ADCY2: variants seen among roughly 807,000 people sequenced by gnomAD.
ADCY2 encodes the protein adenylate cyclase type 2.
In ADCY2, 31 loss-of-function variants were observed where a neutral mutation model predicts 125.2. The ratio of observed to expected loss-of-function variants is 0.25; its 90% confidence interval spans 0.19 to 0.33. ADCY2 has a LOEUF of 0.33. Ranked by LOEUF, ADCY2 falls within the 10% of genes least tolerant of loss-of-function variation. ADCY2 has a pLI of 1.00. For missense variants in ADCY2, 904 were observed against 1,418.2 expected, an observed-to-expected ratio of 0.64 and a Z score of 5.82; for synonymous variants, 512 against 548.4, an observed-to-expected ratio of 0.93 and a Z score of 0.93.
chr5:7,549,623 C>G (rs902544239), intron 3 of ADCY2, among the ~76,000 whole-genome samples: 3 of 152,204 alleles, frequency 2.0e-5, no homozygotes, highest in African/African-American at 7.2e-5. Context: ...CTGAAGAGTT[C>G]TCTCCCTGTG....
At chr5:7,627,636 G>A (rs564210607) in intron 4 of ADCY2, among the ~76,000 whole-genome samples, 15 of 152,300 alleles carry the variant, frequency 9.8e-5, no homozygotes, top group African/African-American at 3.6e-4. Flanking sequence ...AAGTTGTATT[G>A]AGTTAGTTCA....
intron 2 of ADCY2, among the ~76,000 whole-genome samples, chr5:7,481,277 G>T (rs1312212352): frequency 6.6e-6 from 1 of 151,944 alleles, no homozygotes; most frequent in African/African-American, 2.4e-5. Flanking sequence ...TGCTGTTGTT[G>T]TTCTTTTGGG....
At chr5:7,520,067 G>A (rs1744386891) in intron 2 of ADCY2, among the ~76,000 whole-genome samples, 1 of 152,198 alleles carries the variant, frequency 6.6e-6, no homozygotes, top group African/African-American at 2.4e-5. Flanking sequence ...ATAAACATTT[G>A]TGTTTCCACC....
intron 11 of ADCY2, among the ~76,000 whole-genome samples, chr5:7,715,970 A>G (rs1310299751): frequency 6.6e-6 from 1 of 152,204 alleles, no homozygotes; most frequent in Admixed American, 6.5e-5. Context: ...AAACCATGAT[A>G]TAGGCATAGC....
chr5:7,494,868 C>T (rs910770171), intron 2 of ADCY2, among the ~76,000 whole-genome samples: 7 of 152,176 alleles, frequency 4.6e-5, no homozygotes, highest in Admixed American at 2.0e-4. Flanking sequence ...AAACTTTAGA[C>T]AGTGGAAAGG....
chr5:7,591,532 T>C (rs1736848650), intron 3 of ADCY2, among the ~76,000 whole-genome samples: 1 of 152,214 alleles, frequency 6.6e-6, no homozygotes, highest in African/African-American at 2.4e-5. Context: ...TTAATGTCTC[T>C]TATCTGTCTA....
intron 2 of ADCY2, among the ~76,000 whole-genome samples, chr5:7,421,715 ACTC>A (rs1221275890): frequency 4.0e-5 from 6 of 151,730 alleles, no homozygotes; most frequent in African/African-American, 4.8e-5. Flanking sequence ...TCTGAGGTTC[ACTC>A]CTCCTTCTTA....
chr5:7,674,107 G>C (rs938323987), intron 4 of ADCY2, among the ~76,000 whole-genome samples: 1 of 152,052 alleles, frequency 6.6e-6, no homozygotes, highest in South Asian at 2.1e-4. Context: ...CCCTAGCTTC[G>C]GTGTTGGATT....
chr5:7,499,328 T>C (rs1367402593), intron 2 of ADCY2, among the ~76,000 whole-genome samples: 5 of 152,000 alleles, frequency 3.3e-5, no homozygotes, highest in African/African-American at 9.7e-5. Context: ...TGTAGGGTAG[T>C]TGCTGGAGGG....
chr5:7,764,916 G>A (rs974858320), intron 16 of ADCY2, among the ~76,000 whole-genome samples: 2 of 152,192 alleles, frequency 1.3e-5, no homozygotes, highest in African/African-American at 2.4e-5. Flanking sequence ...ATTCAAAATT[G>A]TAGTATGATT....
At chr5:7,735,245 T>C (rs1325417398) in intron 14 of ADCY2, among the ~76,000 whole-genome samples, 1 of 152,192 alleles carries the variant, frequency 6.6e-6, no homozygotes, top group Non-Finnish European at 1.5e-5. Flanking sequence ...TCACATACTT[T>C]TCTATATGCA....
intron 8 of ADCY2, 105 bp from the exon 9 acceptor site, chr5:7,707,600 TA>T: frequency 1.4e-6 from 2 of 1,387,592 alleles, no homozygotes; most frequent in African/African-American, 1.4e-5. Context: ...TCAGTGCTCC[TA>T]AGAACTTTAG....
intron 12 of ADCY2, among the ~76,000 whole-genome samples, chr5:7,722,861 G>C (rs4701793): frequency 0.45 from 67,745 of 150,660 alleles, 16,312 homozygotes; most frequent in East Asian, 0.94. Context: ...TTGGCAGGCT[G>C]AGACAGGAGA....
chr5:7,401,100 G>C (rs1182424353), intron 1 of ADCY2, among the ~76,000 whole-genome samples: 1 of 152,136 alleles, frequency 6.6e-6, no homozygotes, highest in Admixed American at 6.5e-5. Flanking sequence ...CAGTTTCCTT[G>C]TTTGTAAAAT....
At chr5:7,630,874 C>T (rs935229522) in intron 4 of ADCY2, among the ~76,000 whole-genome samples, 31 of 151,050 alleles carry the variant, frequency 2.1e-4, no homozygotes, top group African/African-American at 7.4e-4. Context: ...GCAACCTCTG[C>T]CCCCTGGGGC....
intron 3 of ADCY2, among the ~76,000 whole-genome samples, chr5:7,617,229 A>G (rs967774346): frequency 6.6e-6 from 1 of 151,996 alleles, no homozygotes; most frequent in Non-Finnish European, 1.5e-5. Flanking sequence ...CATCACCTTG[A>G]TATTGGACTT....
chr5:7,621,309 T>A (rs1240104731), intron 3 of ADCY2, among the ~76,000 whole-genome samples: 5 of 152,144 alleles, frequency 3.3e-5, no homozygotes, highest in Non-Finnish European at 5.9e-5. Context: ...CTCCAAGAAC[T>A]TAACATAACT....
intron 2 of ADCY2, among the ~76,000 whole-genome samples, chr5:7,417,321 G>T (rs867574219): frequency 2.7e-4 from 41 of 152,164 alleles, no homozygotes; most frequent in Middle Eastern, 3.4e-3. Flanking sequence ...GAATACTATT[G>T]TTTTTATGTT....
intron 3 of ADCY2, among the ~76,000 whole-genome samples, chr5:7,621,693 A>G (rs1039591682): frequency 1.3e-5 from 2 of 152,244 alleles, no homozygotes; most frequent in East Asian, 1.9e-4. Flanking sequence ...TATGGTGGTC[A>G]TTATGAAAGG....
Sources: gnomAD v4.1 joint callset for allele counts (sites outside exome capture counted in the v4.1 genomes callset) on GRCh38, gnomAD v4.1.1 for gene constraint, MANE v1.5 for transcripts, NCBI Gene and HGNC (gene_info 2026-07-23, HGNC 2026-07-21) for gene names.